SLIT2: variants seen among roughly 807,000 people sequenced by gnomAD.
SLIT2 encodes the protein slit homolog 2 protein.
In SLIT2, 41 loss-of-function variants were observed where a neutral mutation model predicts 185.7. The ratio of observed to expected loss-of-function variants is 0.22; its 90% CI spans 0.17 to 0.29. The LOEUF (loss-of-function observed/expected upper bound fraction) is 0.29. SLIT2 is among the 10% of genes least tolerant of loss of function. SLIT2 has a pLI of 1.00. For missense variants in SLIT2, 1,571 were observed against 1,909.0 expected (o/e 0.82, Z 3.30); for synonymous variants, 693 against 680.2 (o/e 1.02, Z -0.29).
At chr4:20,613,013 G>A (rs1028122710) in intron 34 of SLIT2, among the ~76,000 whole-genome samples, 2 of 151,970 alleles carry the variant, frequency 1.3e-5, no homozygotes, top group Admixed American at 6.6e-5. Flanking sequence ...ACAGCTGCTG[G>A]CAAGGTTGTG....
At chr4:20,472,499 T>TCTATATAG (rs1560454546) in intron 5 of SLIT2, among the ~76,000 whole-genome samples, 2 of 26,772 alleles carry the variant, frequency 7.5e-5, no homozygotes, top group Admixed American at 8.3e-4. Flanking sequence ...TATAGATATA[T>TCTATATAG]ATCTATATAT....
chr4:20,547,224 A>G lies in SLIT2; in HGVS notation c.2345+1125A>G, dbSNP rs575590858. On this transcript the variant is annotated intron_variant, in intron 22 of 36. Coordinates refer to ENST00000504154, the MANE Select transcript of SLIT2 (RefSeq NM_004787.4). ...TGTTCTGCTTCTAGTTATTTATTTG[A>G]TAGCAGCAAGAACTGATTACATACA... Among the ~76,000 whole-genome samples, 4 of 152,294 alleles carry G rather than the reference A, an allele frequency of 2.6e-5. No individual in the cohort carries two copies. In the East Asian group the frequency reaches 7.7e-4, roughly 29 times the overall value.
At chr4:20,354,012 C>T (rs562097268) in intron 4 of SLIT2, among the ~76,000 whole-genome samples, 6 of 152,146 alleles carry the variant, frequency 3.9e-5, no homozygotes, top group African/African-American at 1.2e-4. Context: ...TAAAATCATC[C>T]GTTATTCCAA....
chr4:20,595,893 T>A, intron 31 of SLIT2, 59 bp downstream of exon 31: 1 of 1,410,314 alleles, frequency 7.1e-7, no homozygotes, highest in Non-Finnish European at 1.0e-6. Context: ...ACAGGGTGAC[T>A]ATAGTCAGTA....
chr4:20,336,333 A>C lies in SLIT2; in HGVS notation c.395+67452A>C, dbSNP rs1200475640. 2.0e-5 allele frequency among the ~76,000 whole-genome samples: 3 copies of C among 152,214 alleles called. No individual in the cohort carries two copies. In the South Asian group the frequency reaches 6.2e-4, roughly 32 times the overall value. On this transcript the variant is annotated intron_variant, in intron 4 of 36. Transcript: ENST00000504154. ...TAAGAAAATGTGGCACATATACACC[A>C]TGGAATACTTTGTAGCCATAAAAAA...
At chr4:20,533,792 G>GAA in intron 18 of SLIT2, 77 bp downstream of exon 18, 2 of 1,372,710 alleles carry the variant, frequency 1.5e-6, no homozygotes, top group African/African-American at 2.9e-5. Context: ...CTGGGAGAGA[G>GAA]AAACACCTAC....
intron 9 of SLIT2, among the ~76,000 whole-genome samples, chr4:20,509,088 A>G (rs1430670167): frequency 1.3e-5 from 2 of 151,868 alleles, no homozygotes; most frequent in Non-Finnish European, 2.9e-5. Context: ...GAATTAATGT[A>G]TATGACACAT....
In SLIT2 at chr4:20,254,922, T is replaced by C. The variant is rs1351233498; in HGVS notation, c.179+928T>C. 2 of 456,166 alleles carry C rather than the reference T, an allele frequency of 4.4e-6. No individual in the cohort carries two copies. Among genetic ancestry groups the C allele is most frequent in the African/African-American group, 4.0e-5 (2 of 50,084 alleles). The allele number at this position is 456,166 out of a possible 1,614,324, so 28.3% of individuals were successfully genotyped here. A position where few individuals can be genotyped will look rare whatever the true frequency, so the allele number is the denominator to read the frequency against. ...GCAGACGTCCCCGCCTCCCTGTCTTTGCGAGTCTCTAATGAAGAAGTAAAT... is the reference window on the plus strand; with the variant it reads ...GCAGACGTCCCCGCCTCCCTGTCTTCGCGAGTCTCTAATGAAGAAGTAAAT... On this transcript the variant is annotated intron_variant, in intron 1 of 36. Transcript: ENST00000504154. The surrounding 1 kb of genome is among the most constrained non-coding windows in gnomAD (Gnocchi z 5.1).
At chr4:20,262,039 A>T (rs904360119) in intron 3 of SLIT2, among the ~76,000 whole-genome samples, 3 of 151,842 alleles carry the variant, frequency 2.0e-5, no homozygotes, top group African/African-American at 7.2e-5. Flanking sequence ...TATTATTATG[A>T]TAAAGCCATG....
intron 4 of SLIT2, among the ~76,000 whole-genome samples, chr4:20,320,773 C>T (rs1403382191): frequency 6.6e-6 from 1 of 152,204 alleles, no homozygotes; most frequent in African/African-American, 2.4e-5. Flanking sequence ...GCATAGCCCA[C>T]TCCAACTTCT....
intron 29 of SLIT2, among the ~76,000 whole-genome samples, chr4:20,574,076 T>C (rs1725859529): frequency 2.0e-5 from 3 of 151,832 alleles, no homozygotes; most frequent in Admixed American, 6.6e-5. Flanking sequence ...TGCCTCAGCC[T>C]CCCAAGTAGC....
At chr4:20,584,961 A>G (rs1726925516) in intron 29 of SLIT2, among the ~76,000 whole-genome samples, 3 of 152,064 alleles carry the variant, frequency 2.0e-5, no homozygotes, top group Admixed American at 1.3e-4. Context: ...AGGCTGAGGC[A>G]GGAGAATCAC....
intron 4 of SLIT2, among the ~76,000 whole-genome samples, chr4:20,455,507 T>C (rs1329182849): frequency 6.6e-6 from 1 of 152,166 alleles, no homozygotes; most frequent in Non-Finnish European, 1.5e-5. Flanking sequence ...CAGAGATAGA[T>C]ATTGATTTTA....
At chr4:20,571,752 T>C (rs1216711368) in intron 29 of SLIT2, among the ~76,000 whole-genome samples, 1 of 152,188 alleles carries the variant, frequency 6.6e-6, no homozygotes, top group Non-Finnish European at 1.5e-5. Context: ...TAGTAACAAG[T>C]TGATTTTTCC....
intron 4 of SLIT2, among the ~76,000 whole-genome samples, chr4:20,436,465 C>A (rs566759117): frequency 6.6e-6 from 1 of 152,290 alleles, no homozygotes; most frequent in African/African-American, 2.4e-5. Context: ...AATTTTAAGA[C>A]CACTGTAATA....
At chr4:20,536,708 T>G (rs1455276460) in intron 18 of SLIT2, among the ~76,000 whole-genome samples, 1 of 151,888 alleles carries the variant, frequency 6.6e-6, no homozygotes, top group African/African-American at 2.4e-5. Context: ...TGTTTTAACT[T>G]TTTTTACTCT....
At chr4:20,260,539 T>A (rs976329516) in intron 3 of SLIT2, among the ~76,000 whole-genome samples, 21 of 151,976 alleles carry the variant, frequency 1.4e-4, no homozygotes, top group African/African-American at 5.1e-4. Context: ...ATAAAATAAT[T>A]CTAAATTACA....
Position 20,418,143 on chromosome 4 carries a change from G to T in SLIT2, c.396-49609G>T, listed in dbSNP as rs115823439. On this transcript the variant is annotated intron_variant, in intron 4 of 36. Transcript: ENST00000504154. The stretch of plus-strand genomic sequence containing the variant: ...AATTGGCATGGGAATGGATGACTCT[G>T]TACATAGGAGGCCAAACAAATAAAA... 3.3e-3 allele frequency among the ~76,000 whole-genome samples: 496 copies of T among 152,238 alleles called. 1 individual carries two copies. Among genetic ancestry groups the T allele is most frequent in the African/African-American group, 0.012 (482 of 41,554 alleles).
At chr4:20,317,154 C>G (rs1016789116) in intron 4 of SLIT2, among the ~76,000 whole-genome samples, 1 of 151,776 alleles carries the variant, frequency 6.6e-6, no homozygotes, top group Non-Finnish European at 1.5e-5. Flanking sequence ...AGAGTAATAT[C>G]TCCTTGAGTT....
Sources: gnomAD v4.1 joint callset for allele counts (sites outside exome capture counted in the v4.1 genomes callset) on GRCh38, gnomAD v4.1.1 for gene constraint, Gnocchi (gnomAD v3.1) non-coding constraint, MANE v1.5 for transcripts, NCBI Gene and HGNC (gene_info 2026-07-23, HGNC 2026-07-21) for gene names.